Variants in TSGA10 observed in about 807,000 individuals in gnomAD.
TSGA10 encodes testis-specific gene 10 protein.
Under a neutral mutation model 96.6 loss-of-function variants are expected in TSGA10, and 43 were observed. The ratio of observed to expected loss-of-function variants is 0.44; its 90% CI spans 0.35 to 0.57. The LOEUF is 0.57. Among genes scored for constraint, TSGA10 ranks in the 20% least tolerant of loss-of-function variants. The pLI, the probability that TSGA10 is intolerant of heterozygous loss-of-function variation, is 0.01. For missense variants in TSGA10, 703 were observed against 834.4 expected (o/e 0.84, Z 1.94); for synonymous variants, 229 against 269.9 (o/e 0.85, Z 1.48).
At chr2:99,092,962 T>G (rs558753432) in intron 10 of TSGA10, among the ~76,000 whole-genome samples, 22 of 152,108 alleles carry the variant, frequency 1.4e-4, no homozygotes, top group African/African-American at 4.8e-4. Flanking sequence ...CATGAAACTA[T>G]AGACCAATAT....
At chr2:99,070,705 G>C (rs2085860378) in intron 14 of TSGA10, among the ~76,000 whole-genome samples, 1 of 151,986 alleles carries the variant, frequency 6.6e-6, no homozygotes, top group South Asian at 2.1e-4. Context: ...GTACACAAAG[G>C]CAAACCTTAC....
In TSGA10 at chr2:99,035,235, C is replaced by T. The variant is rs750982829; in HGVS notation, c.1609G>A (p.Glu537Lys). ...TTTTAAAATATATTACATACCATTT[C>T]TATTTCTTGATCTTTAGCAACCAGC... is the stretch of plus-strand genomic sequence containing the variant. ...RQLVAKDQEI[E>K]MRENELDSAH... Residue 537 changes from glutamate (E) to lysine (K), a missense_variant, in exon 17 of 21, where the codon GAA becomes AAA. Transcript: ENST00000393483. The T allele has an allele frequency of 1.2e-6, 2 of 1,603,898 alleles. No individual in the cohort carries two copies. The highest frequency in any genetic ancestry group is 2.7e-5 in the African/African-American group (2 of 74,612).
At chr2:99,098,553 A>G (rs1254296305) in intron 10 of TSGA10, among the ~76,000 whole-genome samples, 18 of 151,732 alleles carry the variant, frequency 1.2e-4, no homozygotes, top group Non-Finnish European at 2.5e-4. Flanking sequence ...TCTAAAAAAA[A>G]TAGAGGAAAG....
chr2:99,108,762 A>G, intron 7 of TSGA10, 71 bp downstream of exon 7: 1 of 1,180,304 alleles, frequency 8.5e-7, no homozygotes, highest in African/African-American at 1.6e-5. Context: ...GTCTCATAAA[A>G]CTCAAAGAAG....
At chr2:99,068,468 T>C (rs2085523789) in intron 15 of TSGA10, among the ~76,000 whole-genome samples, 1 of 152,062 alleles carries the variant, frequency 6.6e-6, no homozygotes, top group Non-Finnish European at 1.5e-5. Flanking sequence ...AACAGAGAAG[T>C]GTGAGGAGAA....
intron 16 of TSGA10, among the ~76,000 whole-genome samples, chr2:99,050,423 C>T (rs1418282851): frequency 6.6e-6 from 1 of 152,036 alleles, no homozygotes; most frequent in Admixed American, 6.6e-5. Flanking sequence ...AAGTAAAATT[C>T]AAATATTCCA....
chr2:99,049,177 C>T (rs2083124577), intron 16 of TSGA10, among the ~76,000 whole-genome samples: 1 of 152,090 alleles, frequency 6.6e-6, no homozygotes, highest in Non-Finnish European at 1.5e-5. Flanking sequence ...TGTGGTGATT[C>T]CTCAAGGATT....
intron 20 of TSGA10, among the ~76,000 whole-genome samples, chr2:99,007,625 T>C (rs1219020020): frequency 1.3e-5 from 2 of 152,062 alleles, no homozygotes; most frequent in Non-Finnish European, 2.9e-5. Context: ...TTAGAGGATA[T>C]GGAAAAAGCA....
intron 20 of TSGA10, among the ~76,000 whole-genome samples, chr2:99,016,431 T>C (rs1242654270): frequency 2.6e-5 from 4 of 152,132 alleles, no homozygotes; most frequent in Non-Finnish European, 5.9e-5. Context: ...GCTGGGATAA[T>C]TGGGAAGCCA....
chr2:99,135,589 A>AT (rs1303832864), intron 1 of TSGA10, among the ~76,000 whole-genome samples: 1 of 152,226 alleles, frequency 6.6e-6, no homozygotes, highest in Non-Finnish European at 1.5e-5. Context: ...AATATCATGT[A>AT]TTTTGGTATC....
chr2:99,008,688 G>A (rs1013748578), intron 20 of TSGA10, among the ~76,000 whole-genome samples: 1 of 152,184 alleles, frequency 6.6e-6, no homozygotes, highest in Non-Finnish European at 1.5e-5. Flanking sequence ...TTATTCTGAA[G>A]ATACTGCAAC....
chr2:99,022,323 T>TC (rs2080108741), intron 17 of TSGA10, among the ~76,000 whole-genome samples: 1 of 50,086 alleles, frequency 2.0e-5, no homozygotes, highest in East Asian at 6.6e-4. Flanking sequence ...AGACCCTGTC[T>TC]CAAAAAAAAA....
In TSGA10 at chr2:99,018,361, T is replaced by G; in HGVS notation, c.1923-12A>C. 6.2e-7 allele frequency: 1 copy of G among 1,609,796 alleles called. No individual in the cohort carries two copies. The highest frequency in any genetic ancestry group is 8.5e-7 in the Non-Finnish European group (1 of 1,177,534). On this transcript the variant is annotated splice_polypyrimidine_tract_variant and intron_variant, in intron 19 of 20. Coordinates refer to ENST00000393483, the MANE Select transcript of TSGA10 (RefSeq NM_025244.4). ...GTACGGCCCTCTCCCTAAAGCAAAA[T>G]AGTGATGCTTTAAATTTTATATCCA... is the stretch of plus-strand genomic sequence containing the variant.
chr2:99,127,175 AC>A lies in TSGA10; in HGVS notation c.-620del. 1 of 1,280,650 alleles carries A rather than the reference AC, an allele frequency of 7.8e-7. No individual in the cohort carries two copies. The highest frequency in any genetic ancestry group is 1.0e-6 in the Non-Finnish European group (1 of 986,276). The allele number at this position is 1,280,650 out of a possible 1,614,324, so 79.3% of individuals were successfully genotyped here. A position where few individuals can be genotyped will look rare whatever the true frequency, so the allele number is the denominator to read the frequency against. ...ACCAAAATCATATTCTTTGGTGGTA[AC>A]CTAGTACAAAGAATGGGAAATAATA... is the stretch of plus-strand genomic sequence containing the variant. On this transcript the variant is annotated splice_region_variant and 5_prime_UTR_variant, in exon 2 of 21. Transcript: ENST00000393483.
intron 20 of TSGA10, among the ~76,000 whole-genome samples, chr2:99,002,033 G>A (rs1573316187): frequency 6.6e-6 from 1 of 152,318 alleles, no homozygotes; most frequent in East Asian, 1.9e-4. Context: ...AAGTGACGGG[G>A]AGAATGGAAC....
intron 1 of TSGA10, among the ~76,000 whole-genome samples, chr2:99,136,009 C>A (rs796564941): frequency 2.4e-3 from 301 of 125,702 alleles, no homozygotes; most frequent in East Asian, 4.2e-3. Flanking sequence ...GACTTCGTAC[C>A]AAAAAAAAAA....
At chr2:99,137,179 T>C (rs1443108939) in intron 1 of TSGA10, among the ~76,000 whole-genome samples, 1 of 151,992 alleles carries the variant, frequency 6.6e-6, no homozygotes, top group African/African-American at 2.4e-5. Flanking sequence ...GTATTTTTAG[T>C]AGAGATGGGG....
intron 17 of TSGA10, among the ~76,000 whole-genome samples, chr2:99,021,952 C>T (rs184576924): frequency 1.8e-4 from 28 of 152,148 alleles, no homozygotes; most frequent in Admixed American, 7.9e-4. Context: ...AATTCACATG[C>T]CATCAATGAT....
Position 99,107,535 on chromosome 2 carries a change from TAGTCCAGA to T in TSGA10, c.210+1290_210+1297del, listed in dbSNP as rs547571236. On this transcript the variant is annotated intron_variant, in intron 7 of 20. Coordinates refer to ENST00000393483, the MANE Select transcript of TSGA10 (RefSeq NM_025244.4). Reference sequence around the variant, plus strand: ...GGCCCATTGAACAGCCTGTACCATTTAGTCCAGAAGTCAGCAAGCTATATATAACTCAC... The same window carrying T: ...GGCCCATTGAACAGCCTGTACCATTTAGTCAGCAAGCTATATATAACTCAC... Among the ~76,000 whole-genome samples the T allele has an allele frequency of 3.3e-5, 5 of 152,316 alleles. No homozygotes were observed. In the South Asian group the frequency reaches 1.0e-3, roughly 32 times the overall value.
Sources: allele counts gnomAD v4.1 joint callset (sites outside exome capture counted in the v4.1 genomes callset), GRCh38; gene constraint gnomAD v4.1.1; transcripts MANE v1.5; gene names NCBI Gene and HGNC (gene_info 2026-07-23, HGNC 2026-07-21).